Variants in LCOR observed in about 807,000 individuals in gnomAD.
LCOR encodes the protein ligand-dependent corepressor.
Under a neutral mutation model 64.4 loss-of-function variants are expected in LCOR, and 14 were observed. That is an observed-to-expected ratio of 0.22 (90% CI 0.14 to 0.34). The LOEUF (loss-of-function observed/expected upper bound fraction) is 0.34. Ranked by LOEUF, LCOR falls within the 10% of genes least tolerant of loss-of-function variation. The pLI, the probability that LCOR is intolerant of heterozygous loss-of-function variation, is 1.00. For synonymous variants in LCOR, 643 were observed against 642.5 expected (o/e 1.00, Z -0.01); for missense variants, 1,686 against 1,765.3 (o/e 0.96, Z 0.80).
In LCOR at chr10:96,981,014, C is replaced by T. The variant is rs1225454047; in HGVS notation, c.554C>T (p.Thr185Ile). 4.3e-6 allele frequency: 3 copies of T among 702,872 alleles called. No homozygotes were observed. Among genetic ancestry groups the T allele is most frequent in the Admixed American group, 2.0e-5 (1 of 49,998 alleles). The allele number at this position is 702,872 out of a possible 1,614,324, so 43.5% of individuals were successfully genotyped here. Residue 185 changes from threonine to isoleucine, a missense_variant, in exon 8 of 8, where the codon ACC becomes ATC. Physicochemically the swap from Thr to Ile is moderately conservative, Grantham distance 89 (BLOSUM62 -1). This residue lies in a region of LCOR where 313 missense variants were observed against 247.2 expected (regional missense o/e 1.27). Transcript: ENST00000421806. ...AATGCTGGCTGTGCCCAGCTCAGCACCAAACATAAGGAAAAAGATGCTCTG... is the reference window on the plus strand; with the variant it reads ...AATGCTGGCTGTGCCCAGCTCAGCATCAAACATAAGGAAAAAGATGCTCTG... ...TCNAGCAQLS[T>I]KHKEKDALCL... is the part of the protein sequence containing the mutation.
intron 4 of LCOR, among the ~76,000 whole-genome samples, chr10:96,921,926 T>C (rs1468485981): frequency 6.6e-6 from 1 of 152,226 alleles, no homozygotes; most frequent in East Asian, 1.9e-4. Context: ...AGTCTATGTG[T>C]CTGTCTGAAT....
chr10:96,933,976 GT>G (rs1847306916), intron 4 of LCOR, among the ~76,000 whole-genome samples: 1 of 152,158 alleles, frequency 6.6e-6, no homozygotes, highest in African/African-American at 2.4e-5. Flanking sequence ...AGATTGAAGA[GT>G]TTTATAGCAT....
intron 2 of LCOR, among the ~76,000 whole-genome samples, chr10:96,897,648 T>C (rs115712847): frequency 0.022 from 3,418 of 152,298 alleles, 149 homozygotes; most frequent in African/African-American, 0.077. Flanking sequence ...ATATCTTTCT[T>C]TTCCCTCCTT....
At chr10:96,847,755 T>G (rs1845657861) in intron 2 of LCOR, among the ~76,000 whole-genome samples, 1 of 152,172 alleles carries the variant, frequency 6.6e-6, no homozygotes, top group Non-Finnish European at 1.5e-5. Flanking sequence ...TCAAAAGTAC[T>G]AAAACTATTA....
chr10:96,994,947 A>G lies in LCOR; in HGVS notation c.*9813A>G, dbSNP rs1848230837. ...ATGCATTATGATACTAAGAAATTCA[A>G]CCCCAACCTGTATGAAAAGCACAGC... is the stretch of plus-strand genomic sequence containing the variant. On this transcript the variant is annotated 3_prime_UTR_variant, in exon 8 of 8. Transcript: ENST00000421806. 6.6e-6 allele frequency: 1 copy of G among 152,214 alleles called. No homozygotes were observed. The highest frequency in any genetic ancestry group is 2.1e-4 in the South Asian group (1 of 4,824). 9.4% of individuals were successfully genotyped at this position (152,214 alleles called of 1,614,324 possible).
intron 2 of LCOR, among the ~76,000 whole-genome samples, chr10:96,869,313 A>G (rs1846031562): frequency 6.6e-6 from 1 of 152,008 alleles, no homozygotes. Context: ...TCTGGGTTCA[A>G]GTGATTCTTG....
intron 2 of LCOR, among the ~76,000 whole-genome samples, chr10:96,843,215 C>G (rs1052129745): frequency 3.3e-5 from 5 of 152,128 alleles, no homozygotes; most frequent in Non-Finnish European, 7.4e-5. Flanking sequence ...AACTCAAACT[C>G]CTGGGGTCAA....
chr10:96,841,749 A>AAAAT (rs374209575), intron 2 of LCOR, among the ~76,000 whole-genome samples: 26 of 151,712 alleles, frequency 1.7e-4, no homozygotes, highest in South Asian at 8.3e-4. Context: ...GTTGTTTTAA[A>AAAAT]AAATAAATAA....
intron 4 of LCOR, among the ~76,000 whole-genome samples, chr10:96,938,348 C>T (rs1847388911): frequency 1.3e-5 from 2 of 151,954 alleles, no homozygotes; most frequent in African/African-American, 4.8e-5. Context: ...TGGCATTTGG[C>T]CAAATCCAAC....
intron 7 of LCOR, chr10:96,964,550 A>AT (rs1472414509): frequency 6.6e-6 from 1 of 152,154 alleles, no homozygotes; most frequent in African/African-American, 2.4e-5. Context: ...GTACAAAGTG[A>AT]TTTTTTTAAT....
intron 5 of LCOR, among the ~76,000 whole-genome samples, chr10:96,947,201 G>A (rs1322061625): frequency 6.6e-6 from 1 of 151,848 alleles, no homozygotes. Flanking sequence ...TTAAACCACC[G>A]GGAATACTTA....
intron 4 of LCOR, among the ~76,000 whole-genome samples, chr10:96,916,173 A>G (rs901573275): frequency 1.3e-5 from 2 of 152,120 alleles, no homozygotes; most frequent in East Asian, 1.9e-4. Flanking sequence ...CTGGGACTAC[A>G]GGTGCCCGCC....
At chr10:96,884,797 G>A (rs1846315789) in intron 2 of LCOR, among the ~76,000 whole-genome samples, 1 of 152,108 alleles carries the variant, frequency 6.6e-6, no homozygotes, top group South Asian at 2.1e-4. Context: ...TTCTGCCCCT[G>A]CATATGTATT....
At chr10:96,960,134 A>G (rs1226660037) in intron 7 of LCOR, 2 of 152,176 alleles carry the variant, frequency 1.3e-5, no homozygotes, top group Admixed American at 6.5e-5. Context: ...GTTAACACCA[A>G]TATCATAACT....
chr10:96,980,719 G>T, intron 7 of LCOR, 74 bp from the exon 8 acceptor site: 1 of 605,436 alleles, frequency 1.7e-6, no homozygotes. Context: ...ATAACGTTGG[G>T]TGAATTTTAT....
chr10:96,960,165 A>G (rs888993651), intron 7 of LCOR: 1 of 152,230 alleles, frequency 6.6e-6, no homozygotes, highest in Non-Finnish European at 1.5e-5. Context: ...GTTAGGCAGT[A>G]CATAGCAACC....
At chr10:96,845,899 A>C (rs1845621333) in intron 2 of LCOR, among the ~76,000 whole-genome samples, 1 of 152,050 alleles carries the variant, frequency 6.6e-6, no homozygotes, top group Non-Finnish European at 1.5e-5. Flanking sequence ...AATAGAGCTA[A>C]TATGTCTTTT....
At position 96,887,678 on chromosome 10, in the gene LCOR, C is replaced by T. The variant is rs574257468; in HGVS notation, c.-329-19587C>T. Among the ~76,000 whole-genome samples, 5 of 148,310 alleles carry T rather than the reference C, an allele frequency of 3.4e-5. No individual in the cohort carries two copies. The East Asian group carries it at 9.8e-4, about 29-fold the overall frequency. ...GTGATTGAGTTGCAAGCTAAACTAG[C>T]TACTTTTTTTTTTTTTTTAATTGAG... On this transcript the variant is annotated intron_variant, in intron 2 of 7. Coordinates refer to ENST00000421806, the MANE Select transcript of LCOR (RefSeq NM_001346516.2).
chr10:96,880,001 T>C (rs957199330), intron 2 of LCOR, among the ~76,000 whole-genome samples: 2 of 152,228 alleles, frequency 1.3e-5, no homozygotes, highest in Non-Finnish European at 1.5e-5. Flanking sequence ...ATGTCTGGCA[T>C]GTTACAAGAA....
Sources: gnomAD v4.1 joint callset for allele counts (sites outside exome capture counted in the v4.1 genomes callset) on GRCh38, gnomAD v4.1.1 for gene constraint, gnomAD v4.1.1 regional missense constraint, MANE v1.5 for transcripts, NCBI Gene and HGNC (gene_info 2026-07-23, HGNC 2026-07-21) for gene names.